Variants in MYZAP observed in about 807,000 individuals in gnomAD.
The protein encoded by MYZAP is myocardial zonula adherens protein.
A neutral mutation model predicts 69.4 loss-of-function variants in MYZAP; 66 were observed. The observed-to-expected ratio is 0.95, with a 90% CI of 0.78 to 1.17. The LOEUF (loss-of-function observed/expected upper bound fraction) is 1.17. MYZAP is among the 50% of genes most tolerant of loss of function. MYZAP has a pLI of 0.00. For missense variants in MYZAP, 611 were observed against 556.2 expected, an observed-to-expected ratio of 1.10 and a Z score of -0.99; for synonymous variants, 256 against 205.9, an observed-to-expected ratio of 1.24 and a Z score of -2.09.
At position 57,625,118 on chromosome 15, in the gene MYZAP, C is replaced by T. The variant is rs149365801; in HGVS notation, c.412-661C>T. On this transcript the variant is annotated intron_variant, in intron 4 of 12. Coordinates refer to ENST00000267853, the MANE Select transcript of MYZAP (RefSeq NM_001018100.5). The stretch of plus-strand genomic sequence containing the variant: ...TGTCACCCAGGCTGGAGTGCAATGG[C>T]GCCATCTCAGCTCACTGCAACCTTG... Among the ~76,000 whole-genome samples the T allele has an allele frequency of 3.2e-3, 478 of 151,380 alleles. 12 individuals carry two copies. In the East Asian group the frequency reaches 0.054, roughly 17 times the overall value.
At chr15:57,655,047 A>G (rs1451426919) in intron 10 of MYZAP, among the ~76,000 whole-genome samples, 1 of 152,164 alleles carries the variant, frequency 6.6e-6, no homozygotes, top group Admixed American at 6.5e-5. Context: ...AAGGGAAAAA[A>G]GTCAACTAAG....
intron 5 of MYZAP, among the ~76,000 whole-genome samples, chr15:57,627,402 G>A (rs1374533984): frequency 7.8e-6 from 1 of 128,464 alleles, no homozygotes; most frequent in Non-Finnish European, 1.7e-5. Flanking sequence ...GGAGGGGGAG[G>A]GGAGGGGAAG....
intron 2 of MYZAP, among the ~76,000 whole-genome samples, chr15:57,610,482 T>A (rs1263198108): frequency 6.6e-6 from 1 of 152,162 alleles, no homozygotes; most frequent in Non-Finnish European, 1.5e-5. Flanking sequence ...CCAGGGACTC[T>A]GCGTGCCCCT....
At chr15:57,632,043 C>T (rs2036536796) in intron 6 of MYZAP, among the ~76,000 whole-genome samples, 1 of 152,204 alleles carries the variant, frequency 6.6e-6, no homozygotes, top group African/African-American at 2.4e-5. Flanking sequence ...CCAAAAGCAA[C>T]ATTTAGGAAA....
intron 1 of MYZAP, among the ~76,000 whole-genome samples, chr15:57,593,190 A>ATGCGCGCGCGCGCGCACG (rs376306761): frequency 6.5e-5 from 7 of 108,254 alleles, no homozygotes; most frequent in Admixed American, 3.0e-4. Flanking sequence ...ACACAGGCGC[A>ATGCGCGCGCGCGCGCACG]CACACACACA....
At chr15:57,661,557 T>C in intron 11 of MYZAP, 24 bp downstream of exon 11, 3 of 1,585,086 alleles carry the variant, frequency 1.9e-6, no homozygotes, top group South Asian at 2.3e-5. Context: ...TTTCTTTAAG[T>C]TGGTGTCTTC....
rs371755679 is a variant in MYZAP at position 57,647,944 on chromosome 15, G to A, written c.1119+8399G>A. ...TGTGCTGAAATCCTGCCCCGCCACC[G>A]CTTTCCTCCCTTAACTGGATCCTTA... On this transcript the variant is annotated intron_variant, in intron 10 of 12. Transcript: ENST00000267853. 182 of 985,224 alleles carry A rather than the reference G, an allele frequency of 1.8e-4. No individual in the cohort carries two copies. In the African/African-American group the frequency reaches 3.0e-3, roughly 16 times the overall value. The allele number at this position is 985,224 out of a possible 1,614,324, so 61.0% of individuals were successfully genotyped here. A position where few individuals can be genotyped will look rare whatever the true frequency, so the allele number is the denominator to read the frequency against.
intron 12 of MYZAP, among the ~76,000 whole-genome samples, chr15:57,682,405 C>T (rs1198129349): frequency 2.6e-5 from 4 of 152,098 alleles, no homozygotes; most frequent in Non-Finnish European, 1.5e-5. Flanking sequence ...GTCTTAGTCA[C>T]CTAATCCTGT....
chr15:57,647,767 G>T, intron 10 of MYZAP: 1 of 985,422 alleles, frequency 1.0e-6, no homozygotes, highest in Non-Finnish European at 1.2e-6. Flanking sequence ...TAGGCTCATT[G>T]TTGATCTTCT....
chr15:57,642,340 C>A (rs184208969), intron 10 of MYZAP, among the ~76,000 whole-genome samples: 48 of 152,260 alleles, frequency 3.2e-4, no homozygotes, highest in African/African-American at 1.1e-3. Context: ...TCAGCAAAGT[C>A]GTAACTAAAT....
chr15:57,676,788 C>T (rs2039158942), intron 12 of MYZAP, among the ~76,000 whole-genome samples: 1 of 152,114 alleles, frequency 6.6e-6, no homozygotes, highest in Non-Finnish European at 1.5e-5. Context: ...ACTTTTATGG[C>T]TAAGTTATGA....
chr15:57,623,823 G>T (rs1340102014), intron 4 of MYZAP, among the ~76,000 whole-genome samples: 3 of 147,566 alleles, frequency 2.0e-5, no homozygotes, highest in Non-Finnish European at 4.5e-5. Flanking sequence ...AAAAGAAAAA[G>T]CAAGTAATCC....
chr15:57,595,311 C>T (rs1178861075), intron 1 of MYZAP, among the ~76,000 whole-genome samples: 1 of 152,152 alleles, frequency 6.6e-6, no homozygotes, highest in Non-Finnish European at 1.5e-5. Context: ...TCCTTCAAAC[C>T]AGTTGTGCAC....
chr15:57,652,220 A>G (rs951921876), intron 10 of MYZAP, among the ~76,000 whole-genome samples: 4 of 151,836 alleles, frequency 2.6e-5, no homozygotes, highest in African/African-American at 7.3e-5. Flanking sequence ...TCATTTAGCA[A>G]TTTTTCAGTT....
At chr15:57,599,572 G>A in intron 1 of MYZAP, 2 of 1,286,950 alleles carry the variant, frequency 1.6e-6, no homozygotes, top group Non-Finnish European at 2.0e-6. Flanking sequence ...CCCTGAACCA[G>A]CTGCTTTGGG....
At chr15:57,592,649 T>C (rs2033753981) in intron 1 of MYZAP, among the ~76,000 whole-genome samples, 2 of 152,158 alleles carry the variant, frequency 1.3e-5, no homozygotes, top group Non-Finnish European at 2.9e-5. Context: ...AACCACTTTC[T>C]TCTGTCTGAT....
intron 6 of MYZAP, among the ~76,000 whole-genome samples, chr15:57,630,937 G>C (rs2140433376): frequency 6.6e-6 from 1 of 152,248 alleles, no homozygotes; most frequent in African/African-American, 2.4e-5. Flanking sequence ...CCTTCACAGG[G>C]GTAGGCTGGG....
chr15:57,625,122 A>G (rs1541753), intron 4 of MYZAP, among the ~76,000 whole-genome samples: 3,070 of 151,160 alleles, frequency 0.02, 121 homozygotes, highest in African/African-American at 0.071. Flanking sequence ...CAATGGCGCC[A>G]TCTCAGCTCA....
At chr15:57,680,340 T>C (rs889414345) in intron 12 of MYZAP, among the ~76,000 whole-genome samples, 3 of 152,082 alleles carry the variant, frequency 2.0e-5, no homozygotes, top group Admixed American at 2.0e-4. Flanking sequence ...CAGTACCATC[T>C]CTCTGCCTCA....
Sources: allele counts gnomAD v4.1 joint callset (sites outside exome capture counted in the v4.1 genomes callset), GRCh38; gene constraint gnomAD v4.1.1; transcripts MANE v1.5; gene names NCBI Gene and HGNC (gene_info 2026-07-23, HGNC 2026-07-21).